Variants in SGCD observed in about 807,000 individuals in gnomAD.
SGCD encodes the protein sarcoglycan delta.
In SGCD, 18 loss-of-function variants were observed where a neutral mutation model predicts 36.6. The ratio of observed to expected loss-of-function variants is 0.49; its 90% CI spans 0.34 to 0.73. The LOEUF is 0.73. SGCD is among the 30% of genes least tolerant of loss of function. The pLI is 0.01. For synonymous variants in SGCD, 133 were observed against 130.6 expected, an observed-to-expected ratio of 1.02 and a Z score of -0.12; for missense variants, 387 against 346.7, an observed-to-expected ratio of 1.12 and a Z score of -0.92.
rs535501891 is a variant in SGCD at position 156,344,496 on chromosome 5, A to C, written c.11A>C (p.Gln4Pro). ...TTGCCTCGTTTATTTCAGATGCCTC[A>C]GGAGCAGTACACTCACCACCGGAGC... MMP[Q>P]EQYTHHRSTM... Residue 4 changes from glutamine (Q) to proline (P), a missense_variant, in exon 3 of 9, where the codon CAG becomes CCG. Physicochemically the swap from Gln to Pro is moderately conservative, Grantham distance 76. Transcript: ENST00000337851. 1 of 1,584,846 alleles carries C rather than the reference A, an allele frequency of 6.3e-7. No homozygotes were observed. The highest frequency in any genetic ancestry group is 1.8e-5 in the Admixed American group (1 of 54,264).
At chr5:155,810,576 A>G in the SGCD span, among the ~76,000 whole-genome samples, 394 of 152,206 alleles carry the variant, frequency 2.6e-3, 1 homozygote, top group African/African-American at 8.3e-3. Flanking sequence ...TCTTTAATAC[A>G]GTTACAACTA....
intron 1 of SGCD, among the ~76,000 whole-genome samples, chr5:155,937,826 C>T (rs564018583): frequency 2.7e-4 from 41 of 152,294 alleles, no homozygotes; most frequent in Admixed American, 2.5e-3. Flanking sequence ...AATCCTGCCT[C>T]ATTGGGGTGT....
At chr5:156,595,835 C>T (rs1358648156) in intron 6 of SGCD, among the ~76,000 whole-genome samples, 4 of 152,122 alleles carry the variant, frequency 2.6e-5, no homozygotes, top group African/African-American at 4.8e-5. Flanking sequence ...ACTGAGAATT[C>T]GTTATTAAAA....
chr5:156,229,273 C>CATAT (rs1383896091), intron 3 of SGCD, among the ~76,000 whole-genome samples: 2 of 8,578 alleles, frequency 2.3e-4, no homozygotes, highest in African/African-American at 4.9e-4. Context: ...TATATATATA[C>CATAT]ATACATATAT....
At chr5:155,996,321 T>C (rs1485888851) in intron 1 of SGCD, among the ~76,000 whole-genome samples, 1 of 152,116 alleles carries the variant, frequency 6.6e-6, no homozygotes, top group Non-Finnish European at 1.5e-5. Flanking sequence ...GCTGTTCCCC[T>C]CTTCATTTGC....
chr5:156,421,185 T>G (rs929053419), intron 3 of SGCD, among the ~76,000 whole-genome samples: 4 of 152,014 alleles, frequency 2.6e-5, no homozygotes, highest in African/African-American at 9.7e-5. Flanking sequence ...TATGAAAGGG[T>G]TTAAAATGGA....
intron 1 of SGCD, among the ~76,000 whole-genome samples, chr5:155,916,416 G>T (rs1435739037): frequency 6.6e-6 from 1 of 152,078 alleles, no homozygotes; most frequent in African/African-American, 2.4e-5. Flanking sequence ...AGTTTGACAT[G>T]AGGTCTCTAA....
At chr5:156,199,670 G>A (rs1002333058) in intron 3 of SGCD, among the ~76,000 whole-genome samples, 1 of 152,072 alleles carries the variant, frequency 6.6e-6, no homozygotes, top group African/African-American at 2.4e-5. Flanking sequence ...AATGGCATTA[G>A]ATTAGCAATA....
At chr5:156,333,998 C>G (rs1167638573) in intron 2 of SGCD, among the ~76,000 whole-genome samples, 1 of 151,462 alleles carries the variant, frequency 6.6e-6, no homozygotes, top group African/African-American at 2.4e-5. Context: ...TTGATTAAGT[C>G]ACTTCACCTC....
intron 1 of SGCD, among the ~76,000 whole-genome samples, chr5:156,022,458 T>A (rs1759126602): frequency 6.6e-6 from 1 of 152,220 alleles, no homozygotes; most frequent in Admixed American, 6.5e-5. Context: ...TAGAATAACA[T>A]GTAGTTTCTT....
chr5:155,903,187 C>T (rs1756426462), intron 1 of SGCD, among the ~76,000 whole-genome samples: 1 of 152,188 alleles, frequency 6.6e-6, no homozygotes, highest in South Asian at 2.1e-4. Flanking sequence ...GTGTTTCTCT[C>T]TTTCTCATGG....
rs140798782 is a variant in SGCD at position 156,612,058 on chromosome 5, G to A, written c.502+17007G>A. Among the ~76,000 whole-genome samples, 272 of 152,192 alleles carry A rather than the reference G, an allele frequency of 1.8e-3. 1 individual carries two copies. The highest frequency in any genetic ancestry group is 6.4e-3 in the African/African-American group (267 of 41,536). On this transcript the variant is annotated intron_variant, in intron 6 of 8. Coordinates refer to ENST00000337851, the MANE Select transcript of SGCD (RefSeq NM_000337.6). ...GCTCATGATTTTGAATTCCTTTTCAGGAATTCTATACATTTTATTTTTGGG... is the reference window on the plus strand; with the variant it reads ...GCTCATGATTTTGAATTCCTTTTCAAGAATTCTATACATTTTATTTTTGGG...
At chr5:156,010,376 G>C (rs528322224) in intron 1 of SGCD, among the ~76,000 whole-genome samples, 1 of 152,282 alleles carries the variant, frequency 6.6e-6, no homozygotes, top group African/African-American at 2.4e-5. Context: ...ATGTCCGATA[G>C]TTGTTAACAT....
At chr5:156,415,721 C>T (rs909098563) in intron 3 of SGCD, among the ~76,000 whole-genome samples, 8 of 152,124 alleles carry the variant, frequency 5.3e-5, no homozygotes, top group African/African-American at 1.9e-4. Flanking sequence ...ATGGCCTGTC[C>T]TCTGCTTGAT....
intron 7 of SGCD, among the ~76,000 whole-genome samples, chr5:156,752,290 C>T (rs1757172699): frequency 6.6e-6 from 1 of 152,076 alleles, no homozygotes; most frequent in Non-Finnish European, 1.5e-5. Context: ...GTTGTTACTC[C>T]CGGGGGGAAG....
chr5:156,673,760 A>G (rs1753399549), intron 7 of SGCD, among the ~76,000 whole-genome samples: 2 of 152,236 alleles, frequency 1.3e-5, no homozygotes, highest in African/African-American at 2.4e-5. Flanking sequence ...TGGCAGCTTC[A>G]TGCTGAAGAA....
intron 6 of SGCD, among the ~76,000 whole-genome samples, chr5:156,612,161 G>A (rs1374776204): frequency 6.6e-6 from 1 of 152,104 alleles, no homozygotes; most frequent in Non-Finnish European, 1.5e-5. Flanking sequence ...GTACCCCTAT[G>A]TTGATATTTG....
At chr5:155,975,238 T>G (rs1231066413) in intron 1 of SGCD, among the ~76,000 whole-genome samples, 2 of 152,206 alleles carry the variant, frequency 1.3e-5, no homozygotes, top group Non-Finnish European at 2.9e-5. Flanking sequence ...ACATGTGCAT[T>G]TATTGAAGGC....
At chr5:156,046,516 TTTA>T (rs2127579741) in intron 1 of SGCD, among the ~76,000 whole-genome samples, 1 of 152,316 alleles carries the variant, frequency 6.6e-6, no homozygotes, top group South Asian at 2.1e-4. Context: ...TGGGTCACAT[TTTA>T]GTAATTCTTA....
Sources: gnomAD v4.1 joint callset for allele counts (sites outside exome capture counted in the v4.1 genomes callset) on GRCh38, gnomAD v4.1.1 for gene constraint, MANE v1.5 for transcripts, NCBI Gene and HGNC (gene_info 2026-07-23, HGNC 2026-07-21) for gene names.